Variants in MTMR8 observed in about 807,000 individuals in gnomAD.
The protein encoded by MTMR8 is phosphatidylinositol-3,5-bisphosphate 3-phosphatase MTMR8.
Under a neutral mutation model 39.3 loss-of-function variants are expected in MTMR8, and 65 were observed. The observed-to-expected ratio is 1.65, with a 90% confidence interval of 1.35 to 2.03. The LOEUF (loss-of-function observed/expected upper bound fraction) is 2.03. Ranked by LOEUF, MTMR8 falls within the 30% of genes most tolerant of loss-of-function variation. MTMR8 has a pLI of 0.00. For missense variants in MTMR8, 777 were observed against 538.9 expected (o/e 1.44, Z -4.37); for synonymous variants, 245 against 185.2 (o/e 1.32, Z -2.62).
chrX:64,334,850 G>T (rs1923034430), intron 10 of MTMR8, among the ~76,000 whole-genome samples: 1 of 111,683 alleles, frequency 9.0e-6, no homozygotes, highest in Non-Finnish European at 1.9e-5. Context: ...GCCCCAGAAT[G>T]GATAAACGTC....
At chrX:64,319,861 G>A (rs1445803059) in intron 12 of MTMR8, among the ~76,000 whole-genome samples, 3 of 111,076 alleles carry the variant, frequency 2.7e-5, no homozygotes, top group African/African-American at 6.6e-5. Flanking sequence ...TTGTTCTTTT[G>A]GCTTGGGATT....
chrX:64,314,053 G>T (rs779831276), intron 12 of MTMR8, among the ~76,000 whole-genome samples: 30 of 112,437 alleles, frequency 2.7e-4, no homozygotes, highest in Non-Finnish European at 4.7e-4. Context: ...CCAAGCCTCA[G>T]CTCAGGACTC....
intron 12 of MTMR8, among the ~76,000 whole-genome samples, chrX:64,273,356 GAC>G (rs1416462475): frequency 9.1e-6 from 1 of 109,980 alleles, no homozygotes; most frequent in African/African-American, 3.3e-5. Context: ...ACATGCTTAA[GAC>G]AGAGTGTTAG....
rs762619141 is a variant in MTMR8 at position 64,291,802 on chromosome X, A to G, written c.1482-20729T>C. Among the ~76,000 whole-genome samples, 5 of 111,437 alleles carry G rather than the reference A, an allele frequency of 4.5e-5. No homozygotes were observed. In the East Asian group the frequency reaches 1.4e-3, roughly 32 times the overall value. On this transcript the variant is annotated intron_variant, in intron 12 of 13. Transcript: ENST00000374852. ...TACTGAATTACACTCTATATTTTCT[A>G]TGGTCTCCCCCATGCCTCATGAGCC...
chrX:64,289,727 A>G (rs970875865), intron 12 of MTMR8, among the ~76,000 whole-genome samples: 1 of 110,086 alleles, frequency 9.1e-6, no homozygotes, highest in Admixed American at 9.8e-5. Context: ...ATTATTCACA[A>G]AAGCCAAAAT....
intron 1 of MTMR8, among the ~76,000 whole-genome samples, chrX:64,379,656 G>T (rs1924358856): frequency 9.0e-6 from 1 of 111,280 alleles, no homozygotes; most frequent in African/African-American, 3.3e-5. Context: ...GTCACATTGG[G>T]TTAGGGCTCA....
Position 64,318,936 on chromosome X carries a change from C to A in MTMR8, c.1481+9836G>T, listed in dbSNP as rs552332033. On this transcript the variant is annotated intron_variant, in intron 12 of 13. Transcript: ENST00000374852. ...CCTCAGGTGATCCACCCGCCTTGGC[C>A]TTCCAAAGTGCTGGGATTACAGGCA... 2.4e-4 allele frequency among the ~76,000 whole-genome samples: 27 copies of A among 111,318 alleles called. 1 individual carries two copies. In the South Asian group the frequency reaches 0.01, roughly 42 times the overall value.
chrX:64,350,800 G>T lies in MTMR8; in HGVS notation c.469-730C>A, dbSNP rs183638791. Among the ~76,000 whole-genome samples the T allele has an allele frequency of 3.6e-5, 4 of 111,273 alleles. 1 individual carries two copies. Among genetic ancestry groups the T allele is most frequent in the Admixed American group, 2.9e-4 (3 of 10,415 alleles). ...ATTTTCTCAAGTTTATCAGCTTTTA[G>T]TGGTTACCAAAATACATATTTCCAA... On this transcript the variant is annotated intron_variant, in intron 4 of 13. Coordinates refer to ENST00000374852, the MANE Select transcript of MTMR8 (RefSeq NM_017677.4).
At chrX:64,283,569 C>A (rs964470723) in intron 12 of MTMR8, among the ~76,000 whole-genome samples, 6 of 112,129 alleles carry the variant, frequency 5.4e-5, no homozygotes, top group Non-Finnish European at 1.1e-4. Flanking sequence ...CTGGGAGACA[C>A]CCCCCAGTAG....
At chrX:64,272,523 G>A (rs1317841243) in intron 12 of MTMR8, among the ~76,000 whole-genome samples, 1 of 111,452 alleles carries the variant, frequency 9.0e-6, no homozygotes, top group Admixed American at 9.5e-5. Context: ...ATAGCTTAAA[G>A]GACCTATGGG....
intron 12 of MTMR8, chrX:64,304,983 T>C (rs1922053744): frequency 1.1e-5 from 1 of 89,110 alleles, no homozygotes; most frequent in Non-Finnish European, 2.0e-5. Context: ...TATATATGTA[T>C]ATACATATAT....
At chrX:64,387,769 A>C (rs1168434910) in intron 1 of MTMR8, among the ~76,000 whole-genome samples, 4 of 107,720 alleles carry the variant, frequency 3.7e-5, no homozygotes, top group African/African-American at 1.0e-4. Context: ...TGCAAGAGGG[A>C]AGGTAAAAAA....
intron 12 of MTMR8, among the ~76,000 whole-genome samples, chrX:64,282,979 G>A (rs1228660790): frequency 8.9e-6 from 1 of 111,757 alleles, no homozygotes; most frequent in Non-Finnish European, 1.9e-5. Flanking sequence ...GACAGTGGGG[G>A]CAGGACAGTG....
Position 64,344,962 on chromosome X carries a change from C to A in MTMR8, c.865+83G>T, listed in dbSNP as rs1372610322. Reference sequence around the variant, plus strand: ...CTGCTCACCTGCTTGCTTTTATATTCCACCCCAAATCAGGCATGCTTTCTG... The same window carrying A: ...CTGCTCACCTGCTTGCTTTTATATTACACCCCAAATCAGGCATGCTTTCTG... On this transcript the variant is annotated intron_variant, in intron 7 of 13. Transcript: ENST00000374852. 4.7e-6 allele frequency: 5 copies of A among 1,063,363 alleles called. No homozygotes were observed. In the African/African-American group the frequency reaches 9.3e-5, roughly 20 times the overall value. 87.6% of individuals were successfully genotyped at this position (1,063,363 alleles called of 1,213,427 possible). A position where few individuals can be genotyped will look rare whatever the true frequency, so the allele number is the denominator to read the frequency against.
rs1931693570 is a variant in MTMR8 at position 64,268,912 on chromosome X, A to C, written c.1740T>G (p.Asn580Lys). ...LGFMGINGDLNTLMENGTLSR... is the reference protein window; with the variant it reads ...LGFMGINGDLKTLMENGTLSR... ...ATAGGGTGCCATTCTCCATCAGGGT[A>C]TTCAGGTCTCCATTGATACCCATAA... The change falls in exon 14 of 14, where the codon AAT becomes AAG. Residue 580 changes from asparagine (N) to lysine (K), a missense_variant. By Grantham distance (94) the Asn-to-Lys change is moderately conservative. Transcript: ENST00000374852. The C allele has an allele frequency of 7.4e-6, 9 of 1,209,870 alleles. No homozygotes were observed. The highest frequency in any genetic ancestry group is 4.4e-5 in the Admixed American group (2 of 45,727).
chrX:64,349,075 G>C (rs905372539), intron 5 of MTMR8, among the ~76,000 whole-genome samples: 1 of 111,238 alleles, frequency 9.0e-6, no homozygotes, highest in African/African-American at 3.3e-5. Flanking sequence ...TTCTATTCTC[G>C]ATATATAATG....
chrX:64,316,472 C>T (rs1164102143), intron 12 of MTMR8, among the ~76,000 whole-genome samples: 1 of 110,742 alleles, frequency 9.0e-6, no homozygotes, highest in Non-Finnish European at 1.9e-5. Flanking sequence ...TGTGGCAAAA[C>T]CCCAACTCTG....
rs1039119830 is a variant in MTMR8, at chrX:64,313,381, G to T, written c.1481+15391C>A. Among the ~76,000 whole-genome samples, 3 of 112,588 alleles carry T rather than the reference G, an allele frequency of 2.7e-5. No homozygotes were observed. In the Admixed American group the frequency reaches 2.8e-4, roughly 11 times the overall value. On this transcript the variant is annotated intron_variant, in intron 12 of 13. Coordinates refer to ENST00000374852, the MANE Select transcript of MTMR8 (RefSeq NM_017677.4). ...TCAGGTAGCTTCCAACTTTTCTCCTGCAGCTTCCTCACTTTTCTCAGCCTT... is the reference window on the plus strand; with the variant it reads ...TCAGGTAGCTTCCAACTTTTCTCCTTCAGCTTCCTCACTTTTCTCAGCCTT...
At chrX:64,358,274 G>A (rs755551410) in intron 2 of MTMR8, among the ~76,000 whole-genome samples, 6 of 111,678 alleles carry the variant, frequency 5.4e-5, no homozygotes, top group South Asian at 3.7e-4. Flanking sequence ...GCTTAGTCTA[G>A]CCCAGTTCTC....
Sources: gnomAD v4.1 joint callset for allele counts (sites outside exome capture counted in the v4.1 genomes callset) on GRCh38, gnomAD v4.1.1 for gene constraint, MANE v1.5 for transcripts, NCBI Gene and HGNC (gene_info 2026-07-23, HGNC 2026-07-21) for gene names.